The following GALNT10 variants were observed in gnomAD, a reference collection of about 807,000 sequenced individuals.
GALNT10 encodes the protein GalNAc transferase 10.
Under a neutral mutation model 75.0 loss-of-function variants are expected in GALNT10, and 41 were observed. That is an observed-to-expected ratio of 0.55 (90% CI 0.43 to 0.71). The LOEUF (loss-of-function observed/expected upper bound fraction) is 0.71. GALNT10 is among the 30% of genes least tolerant of loss of function. The pLI, the probability that GALNT10 is intolerant of heterozygous loss-of-function variation, is 0.00. For missense variants in GALNT10, 727 were observed against 818.5 expected (o/e 0.89, Z 1.36); for synonymous variants, 302 against 313.0 (o/e 0.96, Z 0.37).
intron 1 of GALNT10, among the ~76,000 whole-genome samples, chr5:154,274,176 T>C (rs1441643798): frequency 2.0e-5 from 3 of 152,148 alleles, no homozygotes; most frequent in Admixed American, 6.5e-5. Flanking sequence ...GTCATTCAGA[T>C]TCTGGAGGAC....
chr5:154,335,946 A>G (rs1754939523), intron 4 of GALNT10, among the ~76,000 whole-genome samples: 1 of 152,246 alleles, frequency 6.6e-6, no homozygotes, highest in African/African-American at 2.4e-5. Flanking sequence ...CATACAGAGT[A>G]GTTTCACTGC....
chr5:154,305,366 A>G (rs995440565), intron 3 of GALNT10, among the ~76,000 whole-genome samples: 1 of 152,276 alleles, frequency 6.6e-6, no homozygotes, highest in Middle Eastern at 3.4e-3. Context: ...GACCATATCA[A>G]TAATCACATT....
At chr5:154,269,889 C>A (rs764435496) in intron 1 of GALNT10, among the ~76,000 whole-genome samples, 5 of 152,140 alleles carry the variant, frequency 3.3e-5, no homozygotes, top group Non-Finnish European at 7.4e-5. Flanking sequence ...GAGGTGGGAC[C>A]TTGTCTGAAG....
intron 4 of GALNT10, among the ~76,000 whole-genome samples, chr5:154,334,437 G>A (rs1391489101): frequency 6.6e-6 from 1 of 152,228 alleles, no homozygotes; most frequent in Non-Finnish European, 1.5e-5. Flanking sequence ...GGGAAAGATG[G>A]GCGTATAGGC....
intron 4 of GALNT10, among the ~76,000 whole-genome samples, chr5:154,368,458 G>T (rs756671766): frequency 1.1e-4 from 16 of 152,146 alleles, no homozygotes; most frequent in Admixed American, 8.5e-4. Flanking sequence ...TTATCAAAAA[G>T]AAGAGGAGGA....
chr5:154,414,594 CAGG>C (rs1170657021), intron 10 of GALNT10, among the ~76,000 whole-genome samples: 2 of 151,384 alleles, frequency 1.3e-5, no homozygotes, highest in Non-Finnish European at 2.9e-5. Flanking sequence ...TTGGTGGGGA[CAGG>C]AGGAGGAGAT....
chr5:154,287,800 C>A (rs995000359), intron 1 of GALNT10, among the ~76,000 whole-genome samples: 5 of 152,046 alleles, frequency 3.3e-5, no homozygotes, highest in Non-Finnish European at 5.9e-5. Flanking sequence ...ATCTAATTGT[C>A]CAAACTCCCT....
At position 154,342,996 on chromosome 5, in the gene GALNT10, T is replaced by G. The variant is rs191679274; in HGVS notation, c.568+13258T>G. On this transcript the variant is annotated intron_variant, in intron 4 of 11. Coordinates refer to ENST00000297107, the MANE Select transcript of GALNT10 (RefSeq NM_198321.4). ...GATTTTTTCAGTTGCCACGTGTGTT[T>G]TATGTGACAAGATCTCAGAGCTGAG... Among the ~76,000 whole-genome samples the G allele has an allele frequency of 3.4e-4, 52 of 152,324 alleles. No homozygotes were observed. In the East Asian group the frequency reaches 6.9e-3, roughly 20 times the overall value.
At chr5:154,383,664 G>A (rs1437228021) in intron 6 of GALNT10, among the ~76,000 whole-genome samples, 2 of 152,142 alleles carry the variant, frequency 1.3e-5, no homozygotes, top group African/African-American at 2.4e-5. Context: ...TGATTTTCAT[G>A]TGCAAAGCCT....
At chr5:154,356,613 G>T (rs990226899) in intron 4 of GALNT10, among the ~76,000 whole-genome samples, 2 of 152,146 alleles carry the variant, frequency 1.3e-5, no homozygotes, top group Admixed American at 6.5e-5. Flanking sequence ...TTACCCAGGA[G>T]CCTCATGTAG....
At chr5:154,336,894 C>T (rs1297467921) in intron 4 of GALNT10, among the ~76,000 whole-genome samples, 1 of 152,172 alleles carries the variant, frequency 6.6e-6, no homozygotes, top group East Asian at 1.9e-4. Context: ...ACCATACTGG[C>T]CTCAATGATA....
chr5:154,405,543 C>T (rs1756261822), intron 8 of GALNT10, among the ~76,000 whole-genome samples: 1 of 152,064 alleles, frequency 6.6e-6, no homozygotes, highest in African/African-American at 2.4e-5. Context: ...GGGAGCCAGG[C>T]AGGAAAAGCG....
At chr5:154,415,720 A>G in intron 10 of GALNT10, 63 bp from the exon 11 acceptor site, 1 of 1,471,858 alleles carries the variant, frequency 6.8e-7, no homozygotes, top group Non-Finnish European at 9.3e-7. Flanking sequence ...AATTTAAAAA[A>G]AATGGAGAAA....
chr5:154,303,505 G>T (rs915863929), intron 3 of GALNT10, among the ~76,000 whole-genome samples: 9 of 152,136 alleles, frequency 5.9e-5, no homozygotes, highest in African/African-American at 2.2e-4. Flanking sequence ...TCACCCTAAA[G>T]GGCTTTAGGG....
intron 3 of GALNT10, among the ~76,000 whole-genome samples, chr5:154,326,773 A>G (rs949980098): frequency 4.6e-5 from 7 of 152,196 alleles, no homozygotes; most frequent in Non-Finnish European, 1.0e-4. Context: ...CCGCTAGTAC[A>G]CACAGGGTTT....
chr5:154,259,652 C>T (rs1753671087), intron 1 of GALNT10, among the ~76,000 whole-genome samples: 1 of 152,120 alleles, frequency 6.6e-6, no homozygotes. Flanking sequence ...TCCCCTAAAA[C>T]AACCACTGAG....
chr5:154,376,531 T>A lies in GALNT10; in HGVS notation c.754+69T>A. The A allele has an allele frequency of 6.1e-6, 7 of 1,139,710 alleles. No individual in the cohort carries two copies. Among genetic ancestry groups the A allele is most frequent in the South Asian group, 1.6e-5 (1 of 63,202 alleles). 70.6% of individuals were successfully genotyped at this position (1,139,710 alleles called of 1,614,324 possible). A position where few individuals can be genotyped will look rare whatever the true frequency, so the allele number is the denominator to read the frequency against. On this transcript the variant is annotated intron_variant, in intron 5 of 11. Coordinates refer to ENST00000297107, the MANE Select transcript of GALNT10 (RefSeq NM_198321.4). This position sits in a 1 kb window ranked among gnomAD's most constrained non-coding sequence, Gnocchi z 4.1. ...GCCAGTGCCAGTGGCCCCCTCCTGCTGCAGGGAGCCATCCATAAGCCTTCC... is the reference window on the plus strand; with the variant it reads ...GCCAGTGCCAGTGGCCCCCTCCTGCAGCAGGGAGCCATCCATAAGCCTTCC...
intron 1 of GALNT10, among the ~76,000 whole-genome samples, chr5:154,253,104 AT>A (rs1264864795): frequency 6.7e-6 from 1 of 148,594 alleles, no homozygotes; most frequent in African/African-American, 2.5e-5. Context: ...TCTGAGTCTA[AT>A]TTTAACTTAC....
chr5:154,224,081 G>T (rs769546480), intron 1 of GALNT10, among the ~76,000 whole-genome samples: 5 of 152,194 alleles, frequency 3.3e-5, no homozygotes, highest in African/African-American at 4.8e-5. Flanking sequence ...ATTCTCAAAA[G>T]TCCTTGAAAT....
Sources: gnomAD v4.1 joint callset for allele counts (sites outside exome capture counted in the v4.1 genomes callset) on GRCh38, gnomAD v4.1.1 for gene constraint, Gnocchi (gnomAD v3.1) non-coding constraint, MANE v1.5 for transcripts, NCBI Gene and HGNC (gene_info 2026-07-23, HGNC 2026-07-21) for gene names.